The following LYSMD2 variants were observed in gnomAD, a reference collection of about 807,000 sequenced individuals.
LYSMD2 encodes the protein lysM and putative peptidoglycan-binding domain-containing protein 2.
A neutral mutation model predicts 17.7 loss-of-function variants in LYSMD2; 6 were observed. The ratio of observed to expected loss-of-function variants is 0.34; its 90% CI spans 0.19 to 0.67. The LOEUF is 0.67. Among genes scored for constraint, LYSMD2 ranks in the 30% least tolerant of loss-of-function variants. The probability of loss-of-function intolerance (pLI) is 0.69; values close to 1 mark genes in which losing one functional copy is unlikely to be tolerated. For synonymous variants in LYSMD2, 102 were observed against 129.8 expected (o/e 0.79, Z 1.45); for missense variants, 237 against 286.7 (o/e 0.83, Z 1.25).
chr15:51,723,768 G>T, intron 2 of LYSMD2, 119 bp from the exon 3 acceptor site: 1 of 675,842 alleles, frequency 1.5e-6, no homozygotes, highest in Non-Finnish European at 2.4e-6. Flanking sequence ...TTAGAATATT[G>T]TGCATGCCTA....
chr15:51,730,335 C>T (rs1233797063), intron 1 of LYSMD2, among the ~76,000 whole-genome samples: 2 of 152,158 alleles, frequency 1.3e-5, no homozygotes, highest in Non-Finnish European at 2.9e-5. Flanking sequence ...TGATGAAACT[C>T]CATCTCTACC....
At chr15:51,747,254 G>T (rs2055672850) in intron 1 of LYSMD2, among the ~76,000 whole-genome samples, 1 of 150,842 alleles carries the variant, frequency 6.6e-6, no homozygotes, top group South Asian at 2.1e-4. Context: ...CACTTTGGGA[G>T]GCTGAGGCAG....
chr15:51,748,412 C>T (rs1196133611), intron 1 of LYSMD2, among the ~76,000 whole-genome samples: 1 of 152,002 alleles, frequency 6.6e-6, no homozygotes, highest in Non-Finnish European at 1.5e-5. Context: ...ATGATAATAT[C>T]CCATCACATT....
intron 1 of LYSMD2, 67 bp from the exon 2 acceptor site, chr15:51,725,188 A>G (rs1290487791): frequency 5.2e-6 from 5 of 955,388 alleles, no homozygotes; most frequent in South Asian, 1.7e-5. Flanking sequence ...TTATTATACA[A>G]TACAGAACTA....
At position 51,737,088 on chromosome 15, in the gene LYSMD2, C is replaced by T. The variant is rs1472745393; in HGVS notation, c.273+262G>A. On this transcript the variant is annotated intron_variant, in intron 1 of 2. Coordinates refer to ENST00000267838, the MANE Select transcript of LYSMD2 (RefSeq NM_153374.3). The surrounding 1 kb of genome is among the most constrained non-coding windows in gnomAD (Gnocchi z 4.2). The stretch of plus-strand genomic sequence containing the variant: ...GAGCCTGGGCGGGGCACCGGGAACT[C>T]GATGCAGCTACCTAGGGAGGGAGCC... Among the ~76,000 whole-genome samples the T allele has an allele frequency of 6.6e-6, 1 of 152,184 alleles. No homozygotes were observed. The highest frequency in any genetic ancestry group is 1.5e-5 in the Non-Finnish European group (1 of 68,004).
chr15:51,744,365 T>C (rs1382741759), intron 1 of LYSMD2, among the ~76,000 whole-genome samples: 1 of 152,174 alleles, frequency 6.6e-6, no homozygotes, highest in Non-Finnish European at 1.5e-5. Flanking sequence ...TGTTGAACTA[T>C]GTCAAAAGTT....
chr15:51,726,751 G>C (rs76326765), intron 1 of LYSMD2, among the ~76,000 whole-genome samples: 1,806 of 152,304 alleles, frequency 0.012, 26 homozygotes, highest in Non-Finnish European at 0.021. Flanking sequence ...ACTCCACTTG[G>C]AGTTTGTTTT....
chr15:51,737,105 G>A lies in LYSMD2; in HGVS notation c.273+245C>T, dbSNP rs1473544838. Among the ~76,000 whole-genome samples, 2 of 152,200 alleles carry A rather than the reference G, an allele frequency of 1.3e-5. No homozygotes were observed. The highest frequency in any genetic ancestry group is 2.9e-5 in the Non-Finnish European group (2 of 68,026). Reference sequence around the variant, plus strand: ...CGGGAACTCGATGCAGCTACCTAGGGAGGGAGCCCTGGCGGTCCGCCCCTC... The same window carrying A: ...CGGGAACTCGATGCAGCTACCTAGGAAGGGAGCCCTGGCGGTCCGCCCCTC... On this transcript the variant is annotated intron_variant, in intron 1 of 2. Transcript: ENST00000267838. The surrounding 1 kb of genome is among the most constrained non-coding windows in gnomAD (Gnocchi z 4.2).
chr15:51,749,215 G>A (rs928829275), intron 1 of LYSMD2, among the ~76,000 whole-genome samples: 11 of 152,314 alleles, frequency 7.2e-5, no homozygotes, highest in Admixed American at 6.5e-4. Context: ...CTTAAGATAA[G>A]ACATAGGCAA....
At chr15:51,750,819 T>G (rs1193781040) in intron 1 of LYSMD2, among the ~76,000 whole-genome samples, 1 of 152,164 alleles carries the variant, frequency 6.6e-6, no homozygotes, top group African/African-American at 2.4e-5. Flanking sequence ...TATTCAGGGA[T>G]GAAGTGAACG....
At chr15:51,729,975 T>A (rs1336967116) in intron 1 of LYSMD2, among the ~76,000 whole-genome samples, 1 of 152,222 alleles carries the variant, frequency 6.6e-6, no homozygotes, top group Non-Finnish European at 1.5e-5. Context: ...GACTATCCTC[T>A]GTTTCTTAGG....
upstream of LYSMD2, among the ~76,000 whole-genome samples, chr15:51,739,900 CTCAGCAACA>C (rs1406280489): frequency 2.0e-5 from 3 of 152,162 alleles, no homozygotes; most frequent in Non-Finnish European, 4.4e-5. Context: ...GCACTCCAGC[CTCAGCAACA>C]CAGTGAGACC....
intron 2 of LYSMD2, among the ~76,000 whole-genome samples, chr15:51,723,972 A>G (rs1486799631): frequency 6.6e-6 from 1 of 151,820 alleles, no homozygotes; most frequent in African/African-American, 2.4e-5. Context: ...CCTCTTTCCC[A>G]AAAGGATTTA....
intron 1 of LYSMD2, among the ~76,000 whole-genome samples, chr15:51,726,591 T>TAGTA (rs932057674): frequency 6.6e-6 from 1 of 152,218 alleles, no homozygotes; most frequent in Non-Finnish European, 1.5e-5. Context: ...AGTTCTCTAC[T>TAGTA]GCTTTCTGCT....
At chr15:51,745,991 C>T (rs2055665915) in intron 1 of LYSMD2, among the ~76,000 whole-genome samples, 1 of 152,072 alleles carries the variant, frequency 6.6e-6, no homozygotes, top group African/African-American at 2.4e-5. Flanking sequence ...GAATTTTCAC[C>T]CATTGCTGGT....
At chr15:51,727,191 C>T (rs1196861474) in intron 1 of LYSMD2, among the ~76,000 whole-genome samples, 1 of 152,206 alleles carries the variant, frequency 6.6e-6, no homozygotes, top group Non-Finnish European at 1.5e-5. Flanking sequence ...CTCTCCCCTC[C>T]CAATCCATTC....
chr15:51,734,968 A>C (rs2055599336), intron 1 of LYSMD2, among the ~76,000 whole-genome samples: 2 of 152,134 alleles, frequency 1.3e-5, no homozygotes, highest in South Asian at 4.1e-4. Context: ...TGAGCCCAGG[A>C]GTTCCAGACC....
intron 1 of LYSMD2, among the ~76,000 whole-genome samples, chr15:51,731,983 C>T (rs535942526): frequency 6.6e-6 from 1 of 152,268 alleles, no homozygotes; most frequent in South Asian, 2.1e-4. Context: ...CTCAACCCAC[C>T]CCAAGTAGTT....
chr15:51,745,326 A>G (rs2055661971), intron 1 of LYSMD2, among the ~76,000 whole-genome samples: 1 of 152,230 alleles, frequency 6.6e-6, no homozygotes, highest in Non-Finnish European at 1.5e-5. Context: ...AATATTTCTT[A>G]TGAATGTAGA....
Sources: gnomAD v4.1 joint callset for allele counts (sites outside exome capture counted in the v4.1 genomes callset) on GRCh38, gnomAD v4.1.1 for gene constraint, Gnocchi (gnomAD v3.1) non-coding constraint, MANE v1.5 for transcripts, NCBI Gene and HGNC (gene_info 2026-07-23, HGNC 2026-07-21) for gene names.